ELMO1: variants seen among roughly 807,000 people sequenced by gnomAD.
ELMO1 encodes the protein engulfment and cell motility protein 1.
Under a neutral mutation model 98.9 loss-of-function variants are expected in ELMO1, and 26 were observed. That is an observed-to-expected ratio of 0.26 (90% CI 0.19 to 0.36). The LOEUF (loss-of-function observed/expected upper bound fraction) is 0.36. Ranked by LOEUF, ELMO1 falls within the 10% of genes least tolerant of loss-of-function variation. The pLI is 1.00. For synonymous variants in ELMO1, 346 were observed against 346.0 expected (o/e 1.00, Z 0.00); for missense variants, 627 against 935.2 (o/e 0.67, Z 4.30).
At chr7:36,922,883 C>A (rs984260113) in intron 16 of ELMO1, among the ~76,000 whole-genome samples, 2 of 152,222 alleles carry the variant, frequency 1.3e-5, no homozygotes, top group Admixed American at 6.5e-5. Flanking sequence ...TGTTCAGAGT[C>A]TCCCAATGCA....
At chr7:36,955,118 CTCA>C (rs557083886) in intron 16 of ELMO1, among the ~76,000 whole-genome samples, 49 of 152,320 alleles carry the variant, frequency 3.2e-4, no homozygotes, top group African/African-American at 1.2e-3. Context: ...CTCAGAATAG[CTCA>C]TCACCTCCCT....
rs551994789 is a variant in ELMO1 at position 36,964,422 on chromosome 7, T to C, written c.1437+48877A>G. Among the ~76,000 whole-genome samples the C allele has an allele frequency of 2.0e-5, 3 of 152,312 alleles. No individual in the cohort carries two copies. In the South Asian group the frequency reaches 6.2e-4, roughly 32 times the overall value. ...TCATGTAATTTATTAAATACTATACTGAAAGTAAAAACCAGAATGGTTGTA... is the reference window on the plus strand; with the variant it reads ...TCATGTAATTTATTAAATACTATACCGAAAGTAAAAACCAGAATGGTTGTA... On this transcript the variant is annotated intron_variant, in intron 16 of 21. Coordinates refer to ENST00000310758, the MANE Select transcript of ELMO1 (RefSeq NM_014800.11).
chr7:37,341,467 A>G (rs529738539), intron 2 of ELMO1, among the ~76,000 whole-genome samples: 105 of 152,358 alleles, frequency 6.9e-4, no homozygotes, highest in Middle Eastern at 3.4e-3. Context: ...CTGTTTGTAT[A>G]GGTTCCTTCT....
At chr7:37,100,904 T>C (rs895515061) in intron 14 of ELMO1, among the ~76,000 whole-genome samples, 1 of 152,236 alleles carries the variant, frequency 6.6e-6, no homozygotes, top group Non-Finnish European at 1.5e-5. Context: ...TGCATGTCTT[T>C]GTGAGATACG....
In ELMO1 at chr7:37,361,317, C is replaced by G. The variant is rs375895992; in HGVS notation, c.-73-18554G>C. Among the ~76,000 whole-genome samples the G allele has an allele frequency of 7.2e-5, 11 of 152,312 alleles. No individual in the cohort carries two copies. In the South Asian group the frequency reaches 2.3e-3, roughly 32 times the overall value. On this transcript the variant is annotated intron_variant, in intron 1 of 21. Transcript: ENST00000310758. Reference sequence around the variant, plus strand: ...CTACTCAGCAATAAAAAAGAATAAACTGCTGATACATGTAACAATAGAAGT... The same window carrying G: ...CTACTCAGCAATAAAAAAGAATAAAGTGCTGATACATGTAACAATAGAAGT...
intron 5 of ELMO1, 126 bp downstream of exon 5, chr7:37,271,706 C>A: frequency 1.0e-6 from 1 of 964,410 alleles, no homozygotes; most frequent in Non-Finnish European, 1.6e-6. Flanking sequence ...ATCTGCATGT[C>A]AGGACATTCT....
chr7:37,252,319 T>C (rs987435662), intron 6 of ELMO1, among the ~76,000 whole-genome samples: 1 of 152,222 alleles, frequency 6.6e-6, no homozygotes, highest in Non-Finnish European at 1.5e-5. Context: ...TCACGCTACC[T>C]GACTTCAAAC....
At chr7:37,143,323 T>G (rs568335443) in intron 13 of ELMO1, among the ~76,000 whole-genome samples, 14 of 152,234 alleles carry the variant, frequency 9.2e-5, no homozygotes, top group Non-Finnish European at 1.9e-4. Flanking sequence ...CCAACATTGC[T>G]GGGAATTTCA....
intron 2 of ELMO1, among the ~76,000 whole-genome samples, chr7:37,339,007 T>C (rs949097873): frequency 3.3e-5 from 5 of 152,218 alleles, no homozygotes; most frequent in Admixed American, 6.5e-5. Flanking sequence ...CTGAGCAGAA[T>C]TGAGCACCTG....
At chr7:36,876,465 T>A (rs1158776500) in intron 19 of ELMO1, among the ~76,000 whole-genome samples, 1 of 152,164 alleles carries the variant, frequency 6.6e-6, no homozygotes, top group African/African-American at 2.4e-5. Context: ...TTTTGTTTTT[T>A]TAAAATTATT....
chr7:37,268,422 T>C (rs1796372919), intron 5 of ELMO1, among the ~76,000 whole-genome samples: 1 of 152,188 alleles, frequency 6.6e-6, no homozygotes. Context: ...TGCCTCAGCC[T>C]GCCGAGAAGC....
intron 1 of ELMO1, among the ~76,000 whole-genome samples, chr7:37,424,844 C>G (rs1429571222): frequency 6.6e-6 from 1 of 151,230 alleles, no homozygotes; most frequent in African/African-American, 2.4e-5. Context: ...TAACCCACAC[C>G]AAAACTAATA....
chr7:37,081,654 G>A (rs1797872286), intron 15 of ELMO1, among the ~76,000 whole-genome samples: 1 of 152,206 alleles, frequency 6.6e-6, no homozygotes, highest in African/African-American at 2.4e-5. Context: ...CTGCTGCCAG[G>A]TAAGACGTGC....
intron 16 of ELMO1, among the ~76,000 whole-genome samples, chr7:36,934,030 A>C (rs1786284530): frequency 6.6e-6 from 1 of 152,192 alleles, no homozygotes. Context: ...GCAGGATCCC[A>C]GCAGCTTTGG....
intron 16 of ELMO1, chr7:36,919,249 C>T (rs1784948693): frequency 2.1e-5 from 8 of 387,248 alleles, no homozygotes. Flanking sequence ...TTAATAGTGA[C>T]TAGGATAATC....
intron 14 of ELMO1, among the ~76,000 whole-genome samples, chr7:37,099,563 A>C (rs1161876769): frequency 6.6e-6 from 1 of 152,218 alleles, no homozygotes; most frequent in Non-Finnish European, 1.5e-5. Flanking sequence ...AGGTGCTATT[A>C]CCACTCATCT....
intron 16 of ELMO1, among the ~76,000 whole-genome samples, chr7:36,978,029 TC>T (rs145040552): frequency 0.053 from 8,134 of 152,250 alleles, 301 homozygotes; most frequent in Middle Eastern, 0.16. Flanking sequence ...CAGCTGGGAA[TC>T]CCAAGGCCTA....
At chr7:37,347,188 A>C (rs1450469505) in intron 1 of ELMO1, among the ~76,000 whole-genome samples, 1 of 152,188 alleles carries the variant, frequency 6.6e-6, no homozygotes, top group African/African-American at 2.4e-5. Flanking sequence ...ATCCTCTTAA[A>C]TTTATGTTTT....
chr7:37,011,268 C>T (rs1046819328), intron 16 of ELMO1, among the ~76,000 whole-genome samples: 9 of 152,182 alleles, frequency 5.9e-5, no homozygotes, highest in African/African-American at 2.2e-4. Context: ...GGCAGGATGT[C>T]TGCCACCAAT....
Sources: allele counts gnomAD v4.1 joint callset (sites outside exome capture counted in the v4.1 genomes callset), GRCh38; gene constraint gnomAD v4.1.1; transcripts MANE v1.5; gene names NCBI Gene and HGNC (gene_info 2026-07-23, HGNC 2026-07-21).